SORCS3: variants seen among roughly 807,000 people sequenced by gnomAD.
The protein encoded by SORCS3 is VPS10 domain-containing receptor SorCS3.
A neutral mutation model predicts 146.3 loss-of-function variants in SORCS3; 57 were observed. The observed-to-expected ratio is 0.39, with a 90% CI of 0.31 to 0.49. The LOEUF (loss-of-function observed/expected upper bound fraction) is 0.49, where lower values mean the gene tolerates loss of function less well. SORCS3 is among the 20% of genes least tolerant of loss of function. The pLI is 0.92. For missense variants in SORCS3, 1,341 were observed against 1,575.5 expected, an observed-to-expected ratio of 0.85 and a Z score of 2.52; for synonymous variants, 653 against 618.5, an observed-to-expected ratio of 1.06 and a Z score of -0.83.
chr10:104,673,900 AC>A (rs368932388), intron 1 of SORCS3, among the ~76,000 whole-genome samples: 25 of 152,206 alleles, frequency 1.6e-4, no homozygotes, highest in African/African-American at 6.0e-4. Context: ...CTCTATCTTC[AC>A]CCCTTTTGGT....
chr10:104,889,569 A>C (rs982249449), intron 2 of SORCS3, among the ~76,000 whole-genome samples: 2 of 150,346 alleles, frequency 1.3e-5, no homozygotes, highest in Admixed American at 1.3e-4. Flanking sequence ...TCTTTAATTT[A>C]TCACAGGCTA....
At chr10:105,169,842 C>G (rs192308380) in intron 13 of SORCS3, among the ~76,000 whole-genome samples, 18 of 152,242 alleles carry the variant, frequency 1.2e-4, no homozygotes, top group East Asian at 7.7e-4. Flanking sequence ...TAGCTCCCAT[C>G]ATGTTAAAAA....
At chr10:105,223,841 A>G (rs1440924266) in intron 20 of SORCS3, among the ~76,000 whole-genome samples, 1 of 152,218 alleles carries the variant, frequency 6.6e-6, no homozygotes, top group African/African-American at 2.4e-5. Flanking sequence ...AAGCATGACC[A>G]CAATTGTATG....
Position 104,986,635 on chromosome 10 carries a change from C to A in SORCS3, c.954+9142C>A, listed in dbSNP as rs180954711. 7.6e-4 allele frequency among the ~76,000 whole-genome samples: 115 copies of A among 152,284 alleles called. 1 individual carries two copies. The highest frequency in any genetic ancestry group is 7.2e-3 in the South Asian group (35 of 4,830). ...AAGTGAGAAACATGCAACTCTTTCA[C>A]ATGAACACTTAGAAGCCATTGTAGG... is the stretch of plus-strand genomic sequence containing the variant. On this transcript the variant is annotated intron_variant, in intron 4 of 26. Coordinates refer to ENST00000369701, the MANE Select transcript of SORCS3 (RefSeq NM_014978.3).
At chr10:105,009,527 C>A (rs200558761) in intron 4 of SORCS3, among the ~76,000 whole-genome samples, 63 of 105,144 alleles carry the variant, frequency 6.0e-4, no homozygotes, top group African/African-American at 1.2e-3. Flanking sequence ...AACAAACAAA[C>A]AAAAAAAAAA....
chr10:104,741,106 T>G (rs2016836568), intron 1 of SORCS3, among the ~76,000 whole-genome samples: 1 of 151,164 alleles, frequency 6.6e-6, no homozygotes, highest in South Asian at 2.1e-4. Context: ...ATACTACAGG[T>G]GCATTCCACT....
intron 1 of SORCS3, among the ~76,000 whole-genome samples, chr10:104,718,205 C>A (rs1200387252): frequency 1.3e-5 from 2 of 151,996 alleles, no homozygotes; most frequent in Non-Finnish European, 2.9e-5. Flanking sequence ...GTGTATTTGG[C>A]TCAAGTTTTG....
Position 105,217,118 on chromosome 10 carries a change from G to T in SORCS3, c.2730G>T (p.Val910=). The change falls in exon 19 of 27, where the codon GTG becomes GTT. Residue 910 remains valine, a synonymous_variant. Transcript: ENST00000369701. ...GSDTAVLFLH[V]VCPVEHVHLR... ...ACACAGCTGTCCTCTTCCTGCATGTGGTTTGTAAGTAGGAGGCACCATCCC... is the reference window on the plus strand; with the variant it reads ...ACACAGCTGTCCTCTTCCTGCATGTTGTTTGTAAGTAGGAGGCACCATCCC... 1.2e-6 allele frequency: 2 copies of T among 1,613,774 alleles called. No homozygotes were observed. Among genetic ancestry groups the T allele is most frequent in the Non-Finnish European group, 8.5e-7 (1 of 1,179,824 alleles).
At position 104,766,744 on chromosome 10, in the gene SORCS3, A is replaced by G. The variant is rs185833060; in HGVS notation, c.628-76048A>G. On this transcript the variant is annotated intron_variant, in intron 1 of 26. Transcript: ENST00000369701. ...AGATGGAAGGAAAAGCAGAGAGCAC[A>G]CACTGGGTCCAAGAAGATGTGGGGC... Among the ~76,000 whole-genome samples, 117 of 152,324 alleles carry G rather than the reference A, an allele frequency of 7.7e-4. No individual in the cohort carries two copies. In the Middle Eastern group the frequency reaches 0.014, roughly 18 times the overall value.
intron 7 of SORCS3, among the ~76,000 whole-genome samples, chr10:105,114,443 A>C (rs1394321637): frequency 6.6e-6 from 1 of 152,192 alleles, no homozygotes; most frequent in Non-Finnish European, 1.5e-5. Context: ...GCACAGAATG[A>C]AACTTTTCCC....
chr10:104,778,156 G>A lies in SORCS3; in HGVS notation c.628-64636G>A, dbSNP rs142735563. 7.2e-5 allele frequency among the ~76,000 whole-genome samples: 11 copies of A among 152,300 alleles called. No homozygotes were observed. The East Asian group carries it at 2.1e-3, about 29-fold the overall frequency. The stretch of plus-strand genomic sequence containing the variant: ...ACACAAAAGGACAAATGTCTTAGAC[G>A]ATGGATATCCCAATTACCCTGATTT... On this transcript the variant is annotated intron_variant, in intron 1 of 26. Coordinates refer to ENST00000369701, the MANE Select transcript of SORCS3 (RefSeq NM_014978.3).
intron 13 of SORCS3, among the ~76,000 whole-genome samples, chr10:105,174,436 AAAT>A (rs138806203): frequency 8.6e-5 from 13 of 151,668 alleles, no homozygotes; most frequent in South Asian, 2.1e-4. Flanking sequence ...CTAGTCATCA[AAAT>A]AATAATAATA....
chr10:104,959,679 G>A (rs906525591), intron 3 of SORCS3, among the ~76,000 whole-genome samples: 40 of 152,136 alleles, frequency 2.6e-4, no homozygotes, highest in Admixed American at 3.9e-4. Context: ...AGCTGTGGAA[G>A]AACTTGGCAA....
chr10:104,758,985 G>A (rs376941012), intron 1 of SORCS3, among the ~76,000 whole-genome samples: 4 of 152,236 alleles, frequency 2.6e-5, no homozygotes, highest in South Asian at 4.1e-4. Context: ...CTAATCCCTG[G>A]CACCTGAGAA....
At chr10:104,953,380 C>T (rs972164346) in intron 3 of SORCS3, among the ~76,000 whole-genome samples, 2 of 152,172 alleles carry the variant, frequency 1.3e-5, no homozygotes, top group African/African-American at 2.4e-5. Context: ...GATGTCCTTG[C>T]TGTAGGTATT....
At chr10:104,853,168 G>A (rs1844539) in intron 2 of SORCS3, among the ~76,000 whole-genome samples, 14,719 of 152,186 alleles carry the variant, frequency 0.097, 916 homozygotes, top group South Asian at 0.24. Flanking sequence ...CCATGGTGGC[G>A]GGCACCTGTA....
intron 1 of SORCS3, among the ~76,000 whole-genome samples, chr10:104,652,059 A>ATGCGTG (rs938879972): frequency 2.5e-4 from 37 of 149,042 alleles, no homozygotes; most frequent in Non-Finnish European, 3.6e-4. Context: ...TATATTTTAA[A>ATGCGTG]TGTGTGTGTG....
rs536639186 is a variant in SORCS3 at position 104,910,423 on chromosome 10, T to TA, written c.696-5402dup. Among the ~76,000 whole-genome samples, 476 of 151,844 alleles carry TA rather than the reference T, an allele frequency of 3.1e-3. 2 individuals are homozygous for TA. The highest frequency in any genetic ancestry group is 0.018 in the South Asian group (88 of 4,806). ...TGTAACATTGTTTATAATAGCAAATTAAAAAAAATACTTCTCAGTGGTTTG... is the reference window on the plus strand; with the variant it reads ...TGTAACATTGTTTATAATAGCAAATTAAAAAAAAATACTTCTCAGTGGTTTG... On this transcript the variant is annotated intron_variant, in intron 2 of 26. Transcript: ENST00000369701.
intron 14 of SORCS3, among the ~76,000 whole-genome samples, chr10:105,181,543 A>T (rs915054118): frequency 3.9e-5 from 6 of 152,182 alleles, no homozygotes; most frequent in African/African-American, 1.4e-4. Context: ...CTCCAGGAAC[A>T]TGGACATTTC....
Sources: allele counts gnomAD v4.1 joint callset (sites outside exome capture counted in the v4.1 genomes callset), GRCh38; gene constraint gnomAD v4.1.1; transcripts MANE v1.5; gene names NCBI Gene and HGNC (gene_info 2026-07-23, HGNC 2026-07-21).